Variants in MDGA2 observed in about 807,000 individuals in gnomAD.
MDGA2 encodes the protein MAM domain containing glycosylphosphatidylinositol anchor 2.
MDGA2 carries 40 observed loss-of-function variants against 117.8 expected under a neutral mutation model. That is an observed-to-expected ratio of 0.34 (90% CI 0.26 to 0.44). The LOEUF (loss-of-function observed/expected upper bound fraction) is 0.44, where lower values mean the gene tolerates loss of function less well. MDGA2 is among the 20% of genes least tolerant of loss of function. The pLI is 1.00. For synonymous variants in MDGA2, 452 were observed against 439.0 expected, an observed-to-expected ratio of 1.03 and a Z score of -0.37; for missense variants, 1,123 against 1,250.6, an observed-to-expected ratio of 0.90 and a Z score of 1.54.
intron 1 of MDGA2, among the ~76,000 whole-genome samples, chr14:47,364,450 G>A (rs985935928): frequency 6.6e-5 from 10 of 152,058 alleles, no homozygotes; most frequent in African/African-American, 1.4e-4. Context: ...ATTTTTAGTA[G>A]AGACGGGGTT....
intron 10 of MDGA2, among the ~76,000 whole-genome samples, chr14:46,894,086 T>A (rs1173589151): frequency 3.9e-5 from 6 of 152,070 alleles, no homozygotes; most frequent in Non-Finnish European, 1.5e-5. Flanking sequence ...GTAACTCTAA[T>A]ATTTTTGAGG....
rs1468360799 is a variant in MDGA2, at chr14:46,851,095, T to G, written c.2883+3929A>C. On this transcript the variant is annotated intron_variant, in intron 15 of 16. Coordinates refer to ENST00000399232, the MANE Select transcript of MDGA2 (RefSeq NM_001113498.3). ...TCTTTTCCAGTCCCTGTTACAGTGT[T>G]AAGCATTTGTATCTTAATTTTCTCA... Among the ~76,000 whole-genome samples, 3 of 151,966 alleles carry G rather than the reference T, an allele frequency of 2.0e-5. No individual in the cohort carries two copies. In the South Asian group the frequency reaches 6.2e-4, roughly 31 times the overall value.
intron 3 of MDGA2, among the ~76,000 whole-genome samples, chr14:47,200,183 G>A (rs1249369758): frequency 2.6e-5 from 4 of 151,738 alleles, no homozygotes; most frequent in Non-Finnish European, 5.9e-5. Context: ...ACCAAAGAAC[G>A]AAAAAGGAAG....
chr14:46,905,998 T>G (rs1044883938), intron 10 of MDGA2, among the ~76,000 whole-genome samples: 1 of 151,936 alleles, frequency 6.6e-6, no homozygotes, highest in African/African-American at 2.4e-5. Context: ...CTCATAAAAT[T>G]TTCAAAACTT....
chr14:47,569,615 G>C (rs1051257068), intron 1 of MDGA2, among the ~76,000 whole-genome samples: 2 of 152,180 alleles, frequency 1.3e-5, no homozygotes, highest in Non-Finnish European at 2.9e-5. Context: ...CTATGGTTCA[G>C]TCAACAATCA....
At chr14:47,561,153 G>GGGT (rs1895797132) in intron 1 of MDGA2, among the ~76,000 whole-genome samples, 1 of 63,906 alleles carries the variant, frequency 1.6e-5, no homozygotes, top group Non-Finnish European at 3.8e-5. Flanking sequence ...TTTTTTTTTT[G>GGGT]TTTTGTTTTG....
chr14:47,400,758 C>CTTTTCT (rs1555379637), intron 1 of MDGA2, among the ~76,000 whole-genome samples: 94 of 66,214 alleles, frequency 1.4e-3, no homozygotes, highest in African/African-American at 4.1e-3. Context: ...CTTTTCTTTT[C>CTTTTCT]TTTTTTTTTT....
At chr14:47,483,083 CT>C in intron 1 of MDGA2, among the ~76,000 whole-genome samples, 1 of 152,000 alleles carries the variant, frequency 6.6e-6, no homozygotes, top group African/African-American at 2.4e-5. Flanking sequence ...AATAAGTAAT[CT>C]TTTTTAAAAA....
chr14:47,009,381 T>G (rs1172250164), intron 8 of MDGA2, among the ~76,000 whole-genome samples: 1 of 152,072 alleles, frequency 6.6e-6, no homozygotes, highest in Non-Finnish European at 1.5e-5. Context: ...TGATTTCAAT[T>G]TGACAACTCT....
chr14:47,213,913 G>A (rs1041487429), intron 3 of MDGA2, among the ~76,000 whole-genome samples: 8 of 152,124 alleles, frequency 5.3e-5, no homozygotes, highest in African/African-American at 1.7e-4. Flanking sequence ...AGAAAGCAAG[G>A]CACCTTCTTC....
At chr14:47,028,196 G>A (rs562432974) in intron 8 of MDGA2, among the ~76,000 whole-genome samples, 1 of 152,208 alleles carries the variant, frequency 6.6e-6, no homozygotes, top group Non-Finnish European at 1.5e-5. Flanking sequence ...TCTTAATGCA[G>A]TCATCACCAA....
At chr14:47,055,179 G>A (rs1421740198) in intron 7 of MDGA2, among the ~76,000 whole-genome samples, 1 of 151,880 alleles carries the variant, frequency 6.6e-6, no homozygotes, top group Non-Finnish European at 1.5e-5. Context: ...TTGTCAGATT[G>A]ATTGTTAAGC....
At chr14:47,420,344 A>G (rs7158274) in intron 1 of MDGA2, among the ~76,000 whole-genome samples, 152,122 of 152,266 alleles carry the variant, frequency 1, 75,989 homozygotes, top group Non-Finnish European at 1. Flanking sequence ...GATAGACTAT[A>G]TCTAATATCT....
At chr14:47,464,090 A>T (rs1893546935) in intron 1 of MDGA2, among the ~76,000 whole-genome samples, 1 of 138,552 alleles carries the variant, frequency 7.2e-6, no homozygotes. Context: ...TTCATTTCTC[A>T]CTTACTATGT....
At chr14:47,051,784 A>T (rs1474227889) in intron 7 of MDGA2, among the ~76,000 whole-genome samples, 1 of 151,934 alleles carries the variant, frequency 6.6e-6, no homozygotes, top group Non-Finnish European at 1.5e-5. Context: ...TAGCCTGTGG[A>T]TCCAATCATC....
At position 46,884,356 on chromosome 14, in the gene MDGA2, T is replaced by G. The variant is rs1195636890; in HGVS notation, c.2239-2135A>C. Among the ~76,000 whole-genome samples, 1 of 152,140 alleles carries G rather than the reference T, an allele frequency of 6.6e-6. No homozygotes were observed. Among genetic ancestry groups the G allele is most frequent in the African/African-American group, 2.4e-5 (1 of 41,446 alleles). ...CTTTTGAATGCCATTTTCCCTTGGA[T>G]TTTTACGTAGTACTTTCTCTATGTA... is the stretch of plus-strand genomic sequence containing the variant. On this transcript the variant is annotated intron_variant, in intron 10 of 16. Coordinates refer to ENST00000399232, the MANE Select transcript of MDGA2 (RefSeq NM_001113498.3). This position sits in a 1 kb window ranked among gnomAD's most constrained non-coding sequence, Gnocchi z 4.1.
At chr14:47,454,001 G>C (rs1893293697) in intron 1 of MDGA2, among the ~76,000 whole-genome samples, 1 of 151,988 alleles carries the variant, frequency 6.6e-6, no homozygotes. Flanking sequence ...AGATGATGTA[G>C]CAGATGTTAA....
chr14:47,641,193 A>C (rs541368639), intron 1 of MDGA2, among the ~76,000 whole-genome samples: 2 of 152,240 alleles, frequency 1.3e-5, no homozygotes, highest in African/African-American at 2.4e-5. Context: ...CTTGAAGTGA[A>C]GCCAAGAAGT....
chr14:47,575,730 T>C (rs570386002), intron 1 of MDGA2, among the ~76,000 whole-genome samples: 1 of 152,318 alleles, frequency 6.6e-6, no homozygotes, highest in South Asian at 2.1e-4. Flanking sequence ...CAAGATCAGC[T>C]ACTGTAAGGA....
Sources: gnomAD v4.1 joint callset for allele counts (sites outside exome capture counted in the v4.1 genomes callset) on GRCh38, gnomAD v4.1.1 for gene constraint, Gnocchi (gnomAD v3.1) non-coding constraint, MANE v1.5 for transcripts, NCBI Gene and HGNC (gene_info 2026-07-23, HGNC 2026-07-21) for gene names.